The following CHST7 variants were observed in gnomAD, a reference collection of about 807,000 sequenced individuals.
The protein encoded by CHST7 is N-acetylglucosamine 6-O-sulfotransferase 4.
CHST7 carries 5 observed loss-of-function variants against 9.0 expected under a neutral mutation model. The observed-to-expected ratio is 0.56, with a 90% CI of 0.29 to 1.17. The LOEUF is 1.17. CHST7 is among the 50% of genes most tolerant of loss of function. CHST7 has a pLI of 0.08. For synonymous variants in CHST7, 244 were observed against 237.1 expected (o/e 1.03, Z -0.27); for missense variants, 377 against 485.1 (o/e 0.78, Z 2.09).
chrX:46,581,930 T>C (rs1174466793), intron 1 of CHST7, among the ~76,000 whole-genome samples: 1 of 111,899 alleles, frequency 8.9e-6, no homozygotes, highest in Non-Finnish European at 1.9e-5. Flanking sequence ...GTTTATAAAA[T>C]ACCTGCCAGT....
In CHST7 at chrX:46,574,345, G is replaced by A; in HGVS notation, c.414G>A (p.Trp138Ter). 8.3e-7 allele frequency: 1 copy of A among 1,210,761 alleles called. No homozygotes were observed. The highest frequency in any genetic ancestry group is 1.1e-6 in the Non-Finnish European group (1 of 895,328). Residue 138 changes from tryptophan to a stop codon, truncating the protein, a stop_gained, in exon 1 of 2, where the codon TGG becomes TGA. Transcript: ENST00000276055. LOFTEE classifies it high-confidence loss of function. The stretch of plus-strand genomic sequence containing the variant: ...TGTATGAGCCCATGTGGCATCTATG[G>A]CAGGCGCTGTATCCGGGCGACGCCG... ...FYLYEPMWHL[W>*]QALYPGDAES...
Position 46,575,038 on chromosome X carries a change from C to T in CHST7, c.1107C>T (p.Arg369=), listed in dbSNP as rs371632878. Reference sequence around the variant, plus strand: ...GCGCGCCCGCCTGGCTGCGGCGCCGCTACCTGAGGCTGCGCTATGAGGACC... The same window carrying T: ...GCGCGCCCGCCTGGCTGCGGCGCCGTTACCTGAGGCTGCGCTATGAGGACC... ...ARGAPAWLRR[R]YLRLRYEDLV... Residue 369 remains arginine (R), a synonymous_variant, in exon 1 of 2, where the codon CGC becomes CGT. Coordinates refer to ENST00000276055, the MANE Select transcript of CHST7 (RefSeq NM_019886.4). The T allele has an allele frequency of 8.9e-7, 1 of 1,126,260 alleles. No homozygotes were observed. The allele number at this position is 1,126,260 out of a possible 1,213,427, so 92.8% of individuals were successfully genotyped here. A position where few individuals can be genotyped will look rare whatever the true frequency, so the allele number is the denominator to read the frequency against.
rs1321479090 is a variant in CHST7 at position 46,574,750 on chromosome X, G to T, written c.819G>T (p.Val273=). 2 of 1,208,940 alleles carry T rather than the reference G, an allele frequency of 1.7e-6. No individual in the cohort carries two copies. Among genetic ancestry groups the T allele is most frequent in the Admixed American group, 4.4e-5 (2 of 45,817 alleles). The change falls in exon 1 of 2, where the codon GTG becomes GTT. Residue 273 remains valine (V), a synonymous_variant. Transcript: ENST00000276055. ...GTGATCCAGGCCTCAACCTGAAGGT[G>T]GTGCAGCTTTTCCGCGACCCGAGGG... ...LLRDPGLNLK[V]VQLFRDPRAV...
At chrX:46,579,705 C>T (rs1458606417) in intron 1 of CHST7, among the ~76,000 whole-genome samples, 1 of 112,040 alleles carries the variant, frequency 8.9e-6, no homozygotes, top group Non-Finnish European at 1.9e-5. Context: ...ATCACTGAGG[C>T]CGGGTGCAGT....
chrX:46,596,135 C>CA (rs1173757914), intron 1 of CHST7, among the ~76,000 whole-genome samples: 1,502 of 64,651 alleles, frequency 0.023, 47 homozygotes, highest in Admixed American at 0.12. Flanking sequence ...TAGACTCTGT[C>CA]AAAAAAAAAA....
At chrX:46,585,289 TCTTTTC>T (rs1942543878) in intron 1 of CHST7, among the ~76,000 whole-genome samples, 3 of 66,983 alleles carry the variant, frequency 4.5e-5, no homozygotes, top group Admixed American at 2.0e-4. Context: ...TTTTTTCTTT[TCTTTTC>T]TTTTTTTTTT....
rs754438460 is a variant in CHST7 at position 46,575,353 on chromosome X, G to A, written c.1422G>A (p.Gly474=). Reference sequence around the variant, plus strand: ...GCGACGCGGAGCAGCCCAGGGAAGGGGAGACGCCGCTGGAGATGGATGCCG... The same window carrying A: ...GCGACGCGGAGCAGCCCAGGGAAGGAGAGACGCCGCTGGAGATGGATGCCG... The part of the protein sequence containing the change: ...EEGDAEQPRE[G]ETPLEMDADG... Residue 474 remains glycine (G), a synonymous_variant, in exon 1 of 2, where the codon GGG becomes GGA. Transcript: ENST00000276055. 2 of 1,058,702 alleles carry A rather than the reference G, an allele frequency of 1.9e-6. No individual in the cohort carries two copies. The highest frequency in any genetic ancestry group is 5.4e-5 in the South Asian group (2 of 37,212). 87.2% of individuals were successfully genotyped at this position (1,058,702 alleles called of 1,213,427 possible). A position where few individuals can be genotyped will look rare whatever the true frequency, so the allele number is the denominator to read the frequency against.
chrX:46,588,569 T>C (rs946507535), intron 1 of CHST7, among the ~76,000 whole-genome samples: 1 of 111,580 alleles, frequency 9.0e-6, no homozygotes, highest in Non-Finnish European at 1.9e-5. Context: ...GAACCCAGAA[T>C]GAAGTTTCCC....
intron 1 of CHST7, among the ~76,000 whole-genome samples, chrX:46,590,138 T>G (rs1326699400): frequency 8.9e-6 from 1 of 112,292 alleles, no homozygotes; most frequent in East Asian, 2.8e-4. Flanking sequence ...CCTGGCAACA[T>G]TTAGCACTTG....
intron 1 of CHST7, among the ~76,000 whole-genome samples, chrX:46,580,350 G>A (rs1318123868): frequency 9.0e-6 from 1 of 111,529 alleles, no homozygotes; most frequent in Non-Finnish European, 1.9e-5. Context: ...GAGCTACCGT[G>A]CCCAGCCCAG....
chrX:46,592,574 G>C (rs1942577839), intron 1 of CHST7, among the ~76,000 whole-genome samples: 1 of 111,716 alleles, frequency 9.0e-6, no homozygotes, highest in African/African-American at 3.3e-5. Context: ...TGTTGGCCAG[G>C]CTGGTCTCGA....
At chrX:46,594,882 A>T (rs1942586930) in intron 1 of CHST7, among the ~76,000 whole-genome samples, 1 of 111,786 alleles carries the variant, frequency 8.9e-6, no homozygotes, top group African/African-American at 3.3e-5. Context: ...GATGACATGC[A>T]TGATAGATCA....
intron 1 of CHST7, among the ~76,000 whole-genome samples, chrX:46,581,580 A>G (rs1313394674): frequency 2.2e-5 from 2 of 90,936 alleles, no homozygotes; most frequent in Admixed American, 2.4e-4. Flanking sequence ...TAGAAATAAC[A>G]TAAGCATGTG....
chrX:46,588,729 C>CT (rs375039012), intron 1 of CHST7, among the ~76,000 whole-genome samples: 186 of 109,311 alleles, frequency 1.7e-3, no homozygotes, highest in African/African-American at 5.5e-3. Flanking sequence ...AATAACCATG[C>CT]TTTTTTTTTA....
Position 46,573,777 on chromosome X carries a change from G to A in CHST7, c.-155G>A. The stretch of plus-strand genomic sequence containing the variant: ...CAGGGGCGCCGTCAGTAGCACCACC[G>A]CCTTCCAAGTTTCCCCTTGTGGATG... On this transcript the variant is annotated 5_prime_UTR_variant, in exon 1 of 2. Coordinates refer to ENST00000276055, the MANE Select transcript of CHST7 (RefSeq NM_019886.4). The A allele has an allele frequency of 2.3e-6, 2 of 883,109 alleles. No individual in the cohort carries two copies. The highest frequency in any genetic ancestry group is 1.5e-6 in the Non-Finnish European group (1 of 659,364). 72.8% of individuals were successfully genotyped at this position (883,109 alleles called of 1,213,427 possible).
Position 46,587,498 on chromosome X carries a change from A to C in CHST7, c.*32-10262A>C, listed in dbSNP as rs755049200. 6.2e-5 allele frequency among the ~76,000 whole-genome samples: 7 copies of C among 112,282 alleles called. No homozygotes were observed. In the East Asian group the frequency reaches 1.9e-3, roughly 31 times the overall value. On this transcript the variant is annotated intron_variant, in intron 1 of 1. Coordinates refer to ENST00000276055, the MANE Select transcript of CHST7 (RefSeq NM_019886.4). The stretch of plus-strand genomic sequence containing the variant: ...ATAACTAGCACCCCGTGCCACTGCC[A>C]CATAATTTTTCAGATTAAATGTCTG...
At chrX:46,577,143 T>C (rs1264788460) in intron 1 of CHST7, among the ~76,000 whole-genome samples, 5 of 103,753 alleles carry the variant, frequency 4.8e-5, no homozygotes, top group Admixed American at 2.1e-4. Context: ...TTTTTTTTTT[T>C]CATTTTTACT....
chrX:46,578,881 C>T (rs923063038), intron 1 of CHST7, among the ~76,000 whole-genome samples: 2 of 111,416 alleles, frequency 1.8e-5, no homozygotes, highest in African/African-American at 6.5e-5. Context: ...CGGTTCTCAG[C>T]CCTGGCTGAA....
intron 1 of CHST7, among the ~76,000 whole-genome samples, chrX:46,576,366 C>T (rs1235981208): frequency 8.9e-6 from 1 of 111,838 alleles, no homozygotes; most frequent in Non-Finnish European, 1.9e-5. Context: ...CAGATGGAGC[C>T]TTCAATTGGC....
Sources: allele counts gnomAD v4.1 joint callset (sites outside exome capture counted in the v4.1 genomes callset), GRCh38; gene constraint gnomAD v4.1.1; transcripts MANE v1.5; gene names NCBI Gene and HGNC (gene_info 2026-07-23, HGNC 2026-07-21).